The following TUBB8 variants were observed in gnomAD, a reference collection of about 807,000 sequenced individuals.
The protein encoded by TUBB8 is tubulin beta 8 class VIII.
A neutral mutation model predicts 33.7 loss-of-function variants in TUBB8; 25 were observed. That is an observed-to-expected ratio of 0.74 (90% CI 0.54 to 1.04). The LOEUF is 1.04. TUBB8 is among the 50% of genes least tolerant of loss of function. The probability of loss-of-function intolerance (pLI) is 0.00; values close to 1 mark genes in which losing one functional copy is unlikely to be tolerated. For synonymous variants in TUBB8, 245 were observed against 240.1 expected (o/e 1.02, Z -0.19); for missense variants, 279 against 608.0 (o/e 0.46, Z 5.69).
upstream of TUBB8, among the ~76,000 whole-genome samples, chr10:52,210 G>A (rs1554739666): frequency 1.3e-5 from 2 of 152,206 alleles, no homozygotes; most frequent in Non-Finnish European, 2.9e-5. Context: ...TTAAGTAATA[G>A]TGGGTAATCA....
At chr10:48,323 C>A (rs184120752) in intron 3 of TUBB8, 20,590 of 645,908 alleles carry the variant, frequency 0.032, 299 homozygotes, top group Middle Eastern at 0.052. Flanking sequence ...GAGACGGGTT[C>A]ACAGACCTCG....
intron 1 of TUBB8, among the ~76,000 whole-genome samples, chr10:60,187 G>A (rs1339677478): frequency 1.3e-5 from 2 of 151,958 alleles, no homozygotes; most frequent in Non-Finnish European, 2.9e-5. Flanking sequence ...GAATTAAGAT[G>A]TATTGTTAGG....
upstream of TUBB8, among the ~76,000 whole-genome samples, chr10:50,457 A>G (rs1397395770): frequency 6.6e-6 from 1 of 152,096 alleles, no homozygotes; most frequent in African/African-American, 2.4e-5. Flanking sequence ...CACGCCCACA[A>G]GCTTCATTGG....
At chr10:52,482 T>A (rs1554739705), upstream of TUBB8, among the ~76,000 whole-genome samples, 1 of 152,220 alleles carries the variant, frequency 6.6e-6, no homozygotes, top group African/African-American at 2.4e-5. Flanking sequence ...CATTACAGAG[T>A]TGGACATCCT....
rs370178489 is a variant in TUBB8 at position 47,907 on chromosome 10, C to T, written c.485G>A (p.Arg162Lys). ...LSKIREEYPDRIINTFSILPS... is the reference protein window; with the variant it reads ...LSKIREEYPDKIINTFSILPS... ...CAGGATGCTGAATGTGTTTATGATC[C>T]TGTCTGGGTACTCCTCCCGGATCTT... Residue 162 changes from arginine to lysine, a missense_variant, in exon 4 of 4, where the codon AGG becomes AAG. By Grantham distance (26) the Arg-to-Lys change is conservative (BLOSUM62 2). Transcript: ENST00000568584. 9 of 1,614,056 alleles carry T rather than the reference C, an allele frequency of 5.6e-6. No homozygotes were observed. Among genetic ancestry groups the T allele is most frequent in the African/African-American group, 5.3e-5 (4 of 74,952 alleles).
intron 1 of TUBB8, among the ~76,000 whole-genome samples, chr10:54,524 CTG>C (rs1244209087): frequency 3.9e-5 from 6 of 151,930 alleles, no homozygotes; most frequent in Non-Finnish European, 5.9e-5. Context: ...GCCACCTTAA[CTG>C]AGGTGAAATG....
chr10:48,188 G>T lies in TUBB8; in HGVS notation c.278-74C>A, dbSNP rs1834392534. On this transcript the variant is annotated intron_variant, in intron 3 of 3. Coordinates refer to ENST00000568584, the MANE Select transcript of TUBB8 (RefSeq NM_177987.3). ...AGTGGTCACCACCATAATGCAGAAA[G>T]AGCCAAGCGTCACACGTGAGGTGAG... is the stretch of plus-strand genomic sequence containing the variant. The T allele has an allele frequency of 2.9e-6, 3 of 1,037,590 alleles. No homozygotes were observed. The Admixed American group carries it at 5.9e-5, about 20-fold the overall frequency. 64.3% of individuals were successfully genotyped at this position (1,037,590 alleles called of 1,614,324 possible). A position where few individuals can be genotyped will look rare whatever the true frequency, so the allele number is the denominator to read the frequency against.
upstream of TUBB8, chr10:49,978 G>C (rs1834445369): frequency 6.2e-6 from 1 of 162,104 alleles, no homozygotes; most frequent in African/African-American, 2.4e-5. Flanking sequence ...TATTTCTTCT[G>C]GTAAACATTT....
intron 1 of TUBB8, among the ~76,000 whole-genome samples, chr10:55,105 C>T (rs1348745525): frequency 1.3e-5 from 2 of 152,218 alleles, no homozygotes; most frequent in African/African-American, 4.8e-5. Flanking sequence ...CACAGTTCCA[C>T]ATGGCTGGGG....
chr10:50,163 A>G (rs1834448271), upstream of TUBB8: 1 of 152,420 alleles, frequency 6.6e-6, no homozygotes, highest in African/African-American at 2.4e-5. Context: ...ATTGCTGGCC[A>G]TTTGAGTCAT....
intron 1 of TUBB8, among the ~76,000 whole-genome samples, chr10:63,229 G>A (rs564528852): frequency 1.1e-4 from 17 of 152,136 alleles, no homozygotes; most frequent in Middle Eastern, 3.4e-3. Context: ...ACCCACCACC[G>A]CGCCCAGCTA....
chr10:51,604 C>A (rs1219115701), upstream of TUBB8, among the ~76,000 whole-genome samples: 1 of 152,174 alleles, frequency 6.6e-6, no homozygotes, highest in Non-Finnish European at 1.5e-5. Flanking sequence ...AGCCTGTATG[C>A]CAGAAAGACT....
intron 1 of TUBB8, among the ~76,000 whole-genome samples, chr10:73,455 C>T (rs2130954523): frequency 6.6e-6 from 1 of 152,314 alleles, no homozygotes; most frequent in East Asian, 1.9e-4. Flanking sequence ...ACCAGCCTGA[C>T]CAACATGGAG....
chr10:61,046 A>G lies in TUBB8; in HGVS notation c.-845-10813T>C, dbSNP rs187290418. ...AACAATGAGATCACATGGACCAGGA[A>G]GGGGAACATCACACTCTGGGGACTG... On this transcript the variant is annotated intron_variant, in intron 1 of 3. Transcript: ENST00000564130. Among the ~76,000 whole-genome samples the G allele has an allele frequency of 8.4e-3, 1,084 of 129,540 alleles. 15 individuals are homozygous for G. Among genetic ancestry groups the G allele is most frequent in the African/African-American group, 0.029 (970 of 34,022 alleles). The allele number at this position is 129,540 out of a possible 152,430, so 85.0% of individuals were successfully genotyped here. A position where few individuals can be genotyped will look rare whatever the true frequency, so the allele number is the denominator to read the frequency against.
chr10:49,322 TTAAA>T (rs1834433671), upstream of TUBB8: 1 of 1,409,972 alleles, frequency 7.1e-7, no homozygotes, highest in African/African-American at 1.4e-5. Flanking sequence ...CCGCCAACGT[TTAAA>T]TAGCCCCGCG....
chr10:67,555 G>T lies in TUBB8; in HGVS notation c.-846+6414C>A, dbSNP rs539764258. Among the ~76,000 whole-genome samples the T allele has an allele frequency of 2.0e-5, 3 of 152,164 alleles. No individual in the cohort carries two copies. The South Asian group carries it at 6.2e-4, about 32-fold the overall frequency. ...TTCTCCTGCCTCAGCCTCCCAAGTA[G>T]CTAGGATTACATGCGCATGCCACGA... On this transcript the variant is annotated intron_variant, in intron 1 of 3. Coordinates refer to the TUBB8 transcript ENST00000564130.
At chr10:76,539 C>T (rs1834816772), upstream of TUBB8, among the ~76,000 whole-genome samples, 1 of 152,050 alleles carries the variant, frequency 6.6e-6, no homozygotes, top group Non-Finnish European at 1.5e-5. Flanking sequence ...CCAGGTGTCC[C>T]GAAGCCCCGG....
intron 1 of TUBB8, among the ~76,000 whole-genome samples, chr10:73,537 A>C (rs555704837): frequency 3.3e-5 from 5 of 150,588 alleles, no homozygotes; most frequent in African/African-American, 1.2e-4. Context: ...CAGCTACTCG[A>C]GAGGCTGAGG....
At chr10:73,138 C>A (rs1834759811) in intron 1 of TUBB8, among the ~76,000 whole-genome samples, 1 of 152,232 alleles carries the variant, frequency 6.6e-6, no homozygotes, top group African/African-American at 2.4e-5. Context: ...AACAGACTTT[C>A]TCAACAAAAG....
Sources: gnomAD v4.1 joint callset for allele counts (sites outside exome capture counted in the v4.1 genomes callset) on GRCh38, gnomAD v4.1.1 for gene constraint, MANE v1.5 for transcripts, NCBI Gene and HGNC (gene_info 2026-07-23, HGNC 2026-07-21) for gene names.